Variants in ZNF883 observed in about 807,000 individuals in gnomAD.
ZNF883 encodes the protein zinc finger protein 883.
At chr9:113,007,974 G>A (rs1828495267) in intron 2 of ZNF883, among the ~76,000 whole-genome samples, 1 of 152,126 alleles carries the variant, frequency 6.6e-6, no homozygotes, top group Non-Finnish European at 1.5e-5. Flanking sequence ...CAAATTCATA[G>A]AGGGAAAATT....
chr9:112,992,646 TCTC>T (rs1828313548), downstream of ZNF883, among the ~76,000 whole-genome samples: 1 of 152,220 alleles, frequency 6.6e-6, no homozygotes, highest in Non-Finnish European at 1.5e-5. Flanking sequence ...TTGGGGAAGT[TCTC>T]CTGGATGACA....
intron 1 of ZNF883, among the ~76,000 whole-genome samples, chr9:112,990,993 TTC>T (rs1251018444): frequency 1.3e-5 from 2 of 152,204 alleles, no homozygotes; most frequent in African/African-American, 4.8e-5. Context: ...TATTTGATTC[TTC>T]TCTCTTTTCT....
chr9:112,999,796 C>T (rs554716321), upstream of ZNF883: 3 of 152,338 alleles, frequency 2.0e-5, no homozygotes, highest in South Asian at 6.2e-4. Flanking sequence ...ACTTCCAGCA[C>T]CTTGATGTGT....
intron 2 of ZNF883, among the ~76,000 whole-genome samples, chr9:113,010,308 A>C (rs1828519704): frequency 6.6e-6 from 1 of 152,236 alleles, no homozygotes; most frequent in African/African-American, 2.4e-5. Flanking sequence ...CAGGCTCAAG[A>C]AAGTATGTTA....
chr9:113,010,363 C>T lies in ZNF883; in HGVS notation n.165+778G>A, dbSNP rs559348856. Among the ~76,000 whole-genome samples, 45 of 152,346 alleles carry T rather than the reference C, an allele frequency of 3.0e-4. No individual in the cohort carries two copies. In the South Asian group the frequency reaches 5.6e-3, roughly 19 times the overall value. On this transcript the variant is annotated intron_variant and non_coding_transcript_variant, in intron 2 of 4. Coordinates refer to the ZNF883 transcript ENST00000638622. ...TGGGAGAATCTCCTGTTTCCTCAGT[C>T]TCACTTCTTACAGCCCTCTCGTAAG...
chr9:112,998,153 A>G (rs758264044), exon 1 of ZNF883: 6 of 1,613,874 alleles, frequency 3.7e-6, no homozygotes, highest in South Asian at 1.1e-5. Flanking sequence ...TTTTTCTCCA[A>G]TATGTGTTTT....
At chr9:113,001,134 G>GCT (rs1158657246), upstream of ZNF883, among the ~76,000 whole-genome samples, 1 of 151,996 alleles carries the variant, frequency 6.6e-6, no homozygotes, top group Non-Finnish European at 1.5e-5. Context: ...AATTTTAGCA[G>GCT]AAGACAAGAA....
exon 1 of ZNF883, chr9:112,997,581 G>A (rs1434898354): frequency 6.2e-7 from 1 of 1,613,742 alleles, no homozygotes; most frequent in African/African-American, 1.3e-5. Flanking sequence ...ATTCTTTGAT[G>A]TTGAATGAAG....
At chr9:112,997,710 T>C in exon 1 of ZNF883, 2 of 1,613,798 alleles carry the variant, frequency 1.2e-6, no homozygotes, top group Admixed American at 1.7e-5. Context: ...CGACATTGCT[T>C]ACACTGGTAG....
chr9:113,000,950 G>A (rs1004354142), upstream of ZNF883, among the ~76,000 whole-genome samples: 8 of 152,116 alleles, frequency 5.3e-5, no homozygotes, highest in Non-Finnish European at 8.8e-5. Context: ...ATGCATTTAC[G>A]TTAGGGAGCA....
rs892098465 is a variant in ZNF883, at chr9:113,005,500, C to A, written n.166-3427G>T. ...GATTGGCAAAAATGTCAAAAACAGG[C>A]AGTATTCAGTACTGTTTTAAGTATT... is the stretch of plus-strand genomic sequence containing the variant. On this transcript the variant is annotated intron_variant and non_coding_transcript_variant, in intron 2 of 4. Coordinates refer to the ZNF883 transcript ENST00000638622. 8.5e-5 allele frequency among the ~76,000 whole-genome samples: 13 copies of A among 152,210 alleles called. No homozygotes were observed. In the East Asian group the frequency reaches 2.5e-3, roughly 29 times the overall value.
chr9:113,009,769 A>G (rs1252367316), intron 2 of ZNF883, among the ~76,000 whole-genome samples: 1 of 152,076 alleles, frequency 6.6e-6, no homozygotes, highest in Non-Finnish European at 1.5e-5. Flanking sequence ...CAGCCTCCCA[A>G]AGTGCTGGGA....
chr9:113,009,026 T>A (rs974234790), intron 2 of ZNF883, among the ~76,000 whole-genome samples: 5 of 151,966 alleles, frequency 3.3e-5, no homozygotes, highest in Non-Finnish European at 5.9e-5. Context: ...AATAGAAAAA[T>A]CCATCTTTCA....
upstream of ZNF883, among the ~76,000 whole-genome samples, chr9:113,001,842 A>T (rs1055462471): frequency 6.6e-6 from 1 of 152,200 alleles, no homozygotes; most frequent in African/African-American, 2.4e-5. Context: ...TAACAAAGTA[A>T]GACTATTTAC....
At chr9:113,002,283 TCCCTATAAAG>T (rs1828432809), upstream of ZNF883, among the ~76,000 whole-genome samples, 1 of 152,210 alleles carries the variant, frequency 6.6e-6, no homozygotes, top group African/African-American at 2.4e-5. Flanking sequence ...TACGGAAGTT[TCCCTATAAAG>T]ACACCTAAAA....
downstream of ZNF883, among the ~76,000 whole-genome samples, chr9:112,996,500 G>C (rs1418564923): frequency 6.6e-6 from 1 of 152,036 alleles, no homozygotes; most frequent in Non-Finnish European, 1.5e-5. Flanking sequence ...AATTCAAAAG[G>C]TTTTTTTATG....
At chr9:112,995,482 CCTGCCTTTCTCT>C (rs1001199975), downstream of ZNF883, among the ~76,000 whole-genome samples, 1 of 151,856 alleles carries the variant, frequency 6.6e-6, no homozygotes, top group African/African-American at 2.4e-5. Flanking sequence ...TCCCTTCCTC[CCTGCCTTTCTCT>C]CCCTTTCCTC....
At chr9:112,996,520 G>A (rs985320117), downstream of ZNF883, among the ~76,000 whole-genome samples, 12 of 151,764 alleles carry the variant, frequency 7.9e-5, no homozygotes, top group South Asian at 4.2e-4. Flanking sequence ...GGCCGGGCGC[G>A]GTGGCTCACG....
At chr9:112,997,777 G>A (rs369119910) in exon 1 of ZNF883, 1 of 1,613,664 alleles carries the variant, frequency 6.2e-7, no homozygotes, top group Admixed American at 1.7e-5. Context: ...TGCGGCTGAA[G>A]GTTTTTCCAC....
Sources: allele counts gnomAD v4.1 joint callset (sites outside exome capture counted in the v4.1 genomes callset), GRCh38; gene constraint gnomAD v4.1.1; transcripts MANE v1.5; gene names NCBI Gene and HGNC (gene_info 2026-07-23, HGNC 2026-07-21).